The following GID4 variants were observed in gnomAD, a reference collection of about 807,000 sequenced individuals.
GID4 encodes the protein glucose-induced degradation protein 4 homolog.
GID4 carries 7 observed loss-of-function variants against 32.4 expected under a neutral mutation model. The ratio of observed to expected loss-of-function variants is 0.22; its 90% CI spans 0.12 to 0.41. The LOEUF (loss-of-function observed/expected upper bound fraction) is 0.41. Ranked by LOEUF, GID4 falls within the 10% of genes least tolerant of loss-of-function variation. GID4 has a pLI of 1.00. For synonymous variants in GID4, 166 were observed against 170.0 expected (o/e 0.98, Z 0.18); for missense variants, 309 against 400.0 (o/e 0.77, Z 1.94).
chr17:18,066,063 G>A lies in GID4; in HGVS notation c.*820G>A, dbSNP rs927395884. 2 of 152,350 alleles carry A rather than the reference G, an allele frequency of 1.3e-5. No individual in the cohort carries two copies. Among genetic ancestry groups the A allele is most frequent in the East Asian group, 1.9e-4 (1 of 5,202 alleles). 9.4% of individuals were successfully genotyped at this position (152,350 alleles called of 1,614,324 possible). ...AAATTATTTTTATGGTCCCTTTAAC[G>A]AGGACCCTATGGCAAATGCACAATT... On this transcript the variant is annotated 3_prime_UTR_variant, in exon 6 of 6. Coordinates refer to ENST00000268719, the MANE Select transcript of GID4 (RefSeq NM_024052.5).
chr17:18,041,358 C>T (rs540817816), intron 1 of GID4, among the ~76,000 whole-genome samples: 1 of 152,280 alleles, frequency 6.6e-6, no homozygotes, highest in South Asian at 2.1e-4. Flanking sequence ...CTGCTAACTG[C>T]GGAGCACTCA....
At chr17:18,059,844 G>T (rs1475989891) in intron 4 of GID4, among the ~76,000 whole-genome samples, 1 of 152,042 alleles carries the variant, frequency 6.6e-6, no homozygotes, top group East Asian at 1.9e-4. Flanking sequence ...CCAGCACTTT[G>T]GGAGGCTGAA....
intron 2 of GID4, among the ~76,000 whole-genome samples, chr17:18,048,835 G>T (rs1427893021): frequency 6.6e-6 from 1 of 151,196 alleles, no homozygotes; most frequent in African/African-American, 2.4e-5. Context: ...TAGAAATGGG[G>T]TTTTACCATG....
Position 18,065,259 on chromosome 17 carries a change from G to A in GID4, c.*16G>A. 2 of 1,605,294 alleles carry A rather than the reference G, an allele frequency of 1.2e-6. No individual in the cohort carries two copies. The highest frequency in any genetic ancestry group is 1.7e-6 in the Non-Finnish European group (2 of 1,172,016). ...ATTCCGGTGACAACGGTTCAGAACA[G>A]CAACCAAATAAAACTGAACTTGGCA... On this transcript the variant is annotated 3_prime_UTR_variant, in exon 6 of 6. Coordinates refer to ENST00000268719, the MANE Select transcript of GID4 (RefSeq NM_024052.5).
Position 18,045,903 on chromosome 17 carries a change from AAAAG to A in GID4, c.498+705_498+708del, listed in dbSNP as rs1157427319. Among the ~76,000 whole-genome samples the A allele has an allele frequency of 4.6e-3, 695 of 150,540 alleles. 8 individuals carry two copies. The highest frequency in any genetic ancestry group is 0.016 in the African/African-American group (628 of 40,050). ...CAAGACCCTGTCTCAAAAAAAAAAA[AAAAG>A]AAAGAAAAAAAAGGGGAAGTGACCA... On this transcript the variant is annotated intron_variant, in intron 2 of 5. Coordinates refer to ENST00000268719, the MANE Select transcript of GID4 (RefSeq NM_024052.5).
chr17:18,058,268 G>C (rs956981625), intron 3 of GID4, among the ~76,000 whole-genome samples: 1 of 152,212 alleles, frequency 6.6e-6, no homozygotes, highest in Admixed American at 6.5e-5. Context: ...ATGTGTGTAG[G>C]TTATCTGCAA....
intron 2 of GID4, among the ~76,000 whole-genome samples, chr17:18,046,635 A>G (rs1364805460): frequency 6.7e-6 from 1 of 149,722 alleles, no homozygotes; most frequent in Non-Finnish European, 1.5e-5. Context: ...AAAAAAAAAA[A>G]TTGGGGTCGG....
chr17:18,050,537 G>A (rs1293601134), intron 2 of GID4, among the ~76,000 whole-genome samples: 1 of 152,240 alleles, frequency 6.6e-6, no homozygotes, highest in Non-Finnish European at 1.5e-5. Context: ...AGGGTTGGAA[G>A]CTCCAGCTGA....
At position 18,065,222 on chromosome 17, in the gene GID4, A is replaced by G; in HGVS notation, c.882A>G (p.Ala294=). Residue 294 remains alanine (A), a synonymous_variant, in exon 6 of 6, where the codon GCA becomes GCG. Transcript: ENST00000268719. The part of the protein sequence containing the change: ...LNLTHVPEHS[A]PIYEFR Reference sequence around the variant, plus strand: ...TAACCCATGTTCCTGAACACAGTGCACCCATCTATGAATTCCGGTGACAAC... The same window carrying G: ...TAACCCATGTTCCTGAACACAGTGCGCCCATCTATGAATTCCGGTGACAAC... The G allele has an allele frequency of 6.2e-7, 1 of 1,613,852 alleles. No homozygotes were observed. Among genetic ancestry groups the G allele is most frequent in the Non-Finnish European group, 8.5e-7 (1 of 1,179,756 alleles).
Position 18,039,586 on chromosome 17 carries a change from GC to G in GID4, c.126del (p.Ser43ProfsTer99). On this transcript the variant is annotated frameshift_variant, in exon 1 of 6. Coordinates refer to ENST00000268719, the MANE Select transcript of GID4 (RefSeq NM_024052.5). LOFTEE classifies it high-confidence loss of function. The surrounding 1 kb of genome is among the most constrained non-coding windows in gnomAD (Gnocchi z 5.3). ...CTCCGCAGGCAGCGGGCGGGTGGTC[GC>G]CCCTCCCGCCCCCACCCCGCGCGTG... The part of the protein sequence containing the change: ...RLLRRQRAGG[R>X]PSRPHPARAR... 4 of 1,296,666 alleles carry G rather than the reference GC, an allele frequency of 3.1e-6. No homozygotes were observed. The highest frequency in any genetic ancestry group is 3.9e-6 in the Non-Finnish European group (4 of 1,026,392). 80.3% of individuals were successfully genotyped at this position (1,296,666 alleles called of 1,614,324 possible). A position where few individuals can be genotyped will look rare whatever the true frequency, so the allele number is the denominator to read the frequency against.
chr17:18,064,912 C>T (rs1378680504), intron 5 of GID4, among the ~76,000 whole-genome samples: 1 of 151,924 alleles, frequency 6.6e-6, no homozygotes, highest in South Asian at 2.1e-4. Flanking sequence ...TTGAGGTCTC[C>T]TTTTTATAAA....
At chr17:18,047,074 T>TA (rs995461201) in intron 2 of GID4, among the ~76,000 whole-genome samples, 1 of 152,184 alleles carries the variant, frequency 6.6e-6, no homozygotes, top group Non-Finnish European at 1.5e-5. Flanking sequence ...GCCTCAGTCT[T>TA]AAGACAAGTT....
intron 1 of GID4, among the ~76,000 whole-genome samples, chr17:18,042,465 A>G (rs1435056277): frequency 6.6e-6 from 1 of 152,220 alleles, no homozygotes; most frequent in Non-Finnish European, 1.5e-5. Context: ...CCATATGGTA[A>G]TATGTATCAG....
chr17:18,045,712 A>C (rs1426245035), intron 2 of GID4, among the ~76,000 whole-genome samples: 1 of 151,762 alleles, frequency 6.6e-6, no homozygotes, highest in African/African-American at 2.4e-5. Context: ...AACATGGTGA[A>C]ACCCCATCTC....
intron 2 of GID4, among the ~76,000 whole-genome samples, chr17:18,051,436 T>C (rs1360546759): frequency 6.6e-6 from 1 of 152,192 alleles, no homozygotes; most frequent in Non-Finnish European, 1.5e-5. Context: ...CCCAGCACTT[T>C]GGGAGGCCGA....
At chr17:18,048,143 C>T (rs144085107) in intron 2 of GID4, among the ~76,000 whole-genome samples, 3,191 of 151,820 alleles carry the variant, frequency 0.021, 105 homozygotes, top group African/African-American at 0.065. Flanking sequence ...CCTCATGATC[C>T]GCCTGTCTCG....
Position 18,039,469 on chromosome 17 carries a change from G to T in GID4, c.5G>T (p.Cys2Phe). ...TGTGAGTGTCTGTGTGTGTGTATGTGTGCGCGAGGGCAAGTCGGGAGGGGG... is the reference window on the plus strand; with the variant it reads ...TGTGAGTGTCTGTGTGTGTGTATGTTTGCGCGAGGGCAAGTCGGGAGGGGG... The part of the protein sequence containing the change: M[C>F]ARGQVGRGTQ... Residue 2 changes from cysteine to phenylalanine, a missense_variant, in exon 1 of 6, where the codon TGT becomes TTT. By Grantham distance (205) the Cys-to-Phe change is radical (BLOSUM62 -2). Transcript: ENST00000268719. The surrounding 1 kb of genome is among the most constrained non-coding windows in gnomAD (Gnocchi z 5.3). The T allele has an allele frequency of 7.4e-7, 1 of 1,345,940 alleles. No homozygotes were observed. 83.4% of individuals were successfully genotyped at this position (1,345,940 alleles called of 1,614,324 possible).
intron 1 of GID4, among the ~76,000 whole-genome samples, chr17:18,041,100 T>C (rs966496015): frequency 7.9e-5 from 12 of 152,038 alleles, no homozygotes; most frequent in Non-Finnish European, 1.6e-4. Context: ...CCCTTTGCCC[T>C]TTTTTTCCTT....
chr17:18,039,420 G>T lies in GID4; in HGVS notation c.-45G>T. The T allele has an allele frequency of 1.6e-6, 2 of 1,274,996 alleles. No individual in the cohort carries two copies. The highest frequency in any genetic ancestry group is 2.1e-6 in the Non-Finnish European group (2 of 963,852). 79.0% of individuals were successfully genotyped at this position (1,274,996 alleles called of 1,614,324 possible). A position where few individuals can be genotyped will look rare whatever the true frequency, so the allele number is the denominator to read the frequency against. ...GAAGGGGCGGGGTGTGTGTGTGTCT[G>T]TGTGTGTTTGTGTGTTGTGTGTCTG... On this transcript the variant is annotated 5_prime_UTR_variant, in exon 1 of 6. Transcript: ENST00000268719. This position sits in a 1 kb window ranked among gnomAD's most constrained non-coding sequence, Gnocchi z 5.3.
Sources: gnomAD v4.1 joint callset for allele counts (sites outside exome capture counted in the v4.1 genomes callset) on GRCh38, gnomAD v4.1.1 for gene constraint, Gnocchi (gnomAD v3.1) non-coding constraint, MANE v1.5 for transcripts, NCBI Gene and HGNC (gene_info 2026-07-23, HGNC 2026-07-21) for gene names.